Variants in TRIM14 observed in about 807,000 individuals in gnomAD.
TRIM14 encodes tripartite motif containing 14, also known as tripartite motif-containing protein 14.
A neutral mutation model predicts 44.5 loss-of-function variants in TRIM14; 28 were observed. That is an observed-to-expected ratio of 0.63 (90% confidence interval 0.47 to 0.86). The LOEUF (loss-of-function observed/expected upper bound fraction) is 0.86, where lower values mean the gene tolerates loss of function less well. Ranked by LOEUF, TRIM14 falls within the 40% of genes least tolerant of loss-of-function variation. The pLI, the probability that TRIM14 is intolerant of heterozygous loss-of-function variation, is 0.00. For synonymous variants in TRIM14, 299 were observed against 269.2 expected (o/e 1.11, Z -1.08); for missense variants, 607 against 611.1 (o/e 0.99, Z 0.07).
downstream of TRIM14, among the ~76,000 whole-genome samples, chr9:98,080,351 A>G (rs1829798300): frequency 6.6e-6 from 1 of 152,250 alleles, no homozygotes; most frequent in Non-Finnish European, 1.5e-5. Flanking sequence ...TGAATTATAG[A>G]TAACGGATTA....
At chr9:98,060,676 A>G in the TRIM14 span, 1 of 1,086,604 alleles carries the variant, frequency 9.2e-7, no homozygotes. Context: ...GTCTCTAAAT[A>G]AATAAATAAA....
At chr9:98,041,960 G>A in the TRIM14 span, among the ~76,000 whole-genome samples, 1 of 151,766 alleles carries the variant, frequency 6.6e-6, no homozygotes, top group African/African-American at 2.4e-5. Context: ...TAGGATTACA[G>A]GCAAGAGCCA....
intron 1 of TRIM14, 59 bp from the exon 2 acceptor site, chr9:98,110,043 C>A (rs1587973500): frequency 7.5e-7 from 1 of 1,329,914 alleles, no homozygotes; most frequent in East Asian, 2.3e-5. Flanking sequence ...AATAACAGGC[C>A]CCCCACAGGG....
chr9:98,098,051 G>C (rs1826247684), intron 3 of TRIM14, among the ~76,000 whole-genome samples: 1 of 152,178 alleles, frequency 6.6e-6, no homozygotes, highest in Non-Finnish European at 1.5e-5. Context: ...GGCGGGTTTT[G>C]TGTTGACTGG....
At position 98,076,853 on chromosome 9, in the gene TRIM14, T is replaced by C. The variant is rs111760450; in HGVS notation, c.*29-7166A>G. 1,974 of 1,313,196 alleles carry C rather than the reference T, an allele frequency of 1.5e-3. 15 individuals carry two copies. The African/African-American group carries it at 0.025, about 16-fold the overall frequency. The allele number at this position is 1,313,196 out of a possible 1,614,324, so 81.3% of individuals were successfully genotyped here. ...GTTTTTCTACTTGTATGTTATTCCT[T>C]GCCTGTCATAACAACAGTGTTTTTG... On this transcript the variant is annotated intron_variant, in intron 6 of 6. Transcript: ENST00000375098.
At chr9:98,079,437 A>G (rs1829748645), downstream of TRIM14, among the ~76,000 whole-genome samples, 2 of 151,058 alleles carry the variant, frequency 1.3e-5, no homozygotes, top group South Asian at 4.2e-4. Context: ...TCCCCATAAT[A>G]TAAGCTTTCT....
At chr9:98,107,848 A>G (rs912597744) in intron 2 of TRIM14, among the ~76,000 whole-genome samples, 1 of 145,216 alleles carries the variant, frequency 6.9e-6, no homozygotes, top group Admixed American at 6.8e-5. Context: ...TTTTTTTTTT[A>G]GTAGAGATGG....
In TRIM14 at chr9:98,085,424, GGATCA is replaced by G. The variant is rs1217525234; in HGVS notation, c.*2041_*2045del. The G allele has an allele frequency of 6.6e-6, 1 of 152,208 alleles. No individual in the cohort carries two copies. The highest frequency in any genetic ancestry group is 2.4e-5 in the African/African-American group (1 of 41,434). The allele number at this position is 152,208 out of a possible 1,614,324, so 9.4% of individuals were successfully genotyped here. A position where few individuals can be genotyped will look rare whatever the true frequency, so the allele number is the denominator to read the frequency against. On this transcript the variant is annotated 3_prime_UTR_variant, in exon 6 of 6. Transcript: ENST00000341469. Reference sequence around the variant, plus strand: ...TTTCTACCCTCTAGGGCTGATGAAAGGATCAGATGAGTTTAGTCGTAAAGCATTAA... The same window carrying G: ...TTTCTACCCTCTAGGGCTGATGAAAGGATGAGTTTAGTCGTAAAGCATTAA...
chr9:98,071,445 T>G (rs1198798254), intron 6 of TRIM14, among the ~76,000 whole-genome samples: 1 of 152,242 alleles, frequency 6.6e-6, no homozygotes, highest in Non-Finnish European at 1.5e-5. Context: ...GCCTGTTTTC[T>G]TCAGTTGTAA....
Position 98,119,080 on chromosome 9 carries a change from G to C in TRIM14, c.109C>G (p.Arg37Gly), listed in dbSNP as rs911013094. The C allele has an allele frequency of 5.7e-6, 9 of 1,583,982 alleles. No homozygotes were observed. Among genetic ancestry groups the C allele is most frequent in the Non-Finnish European group, 7.7e-6 (9 of 1,175,008 alleles). ...HGDRVAELFC[R>G]RCRRCVCALC... is the part of the protein sequence containing the mutation. ...GCGCACACGCAGCGGCGGCAGCGGC[G>C]ACAGAAGAGCTCAGCCACGCGGTCG... The change falls in exon 1 of 6, where the codon CGC becomes GGC. Residue 37 changes from arginine to glycine, a missense_variant. By Grantham distance (125) the Arg-to-Gly change is moderately radical. Transcript: ENST00000341469.
chr9:98,068,880 A>T (rs1829229757), downstream of TRIM14, among the ~76,000 whole-genome samples: 1 of 152,114 alleles, frequency 6.6e-6, no homozygotes, highest in African/African-American at 2.4e-5. Flanking sequence ...ATACAAAGAA[A>T]ATAGATCATT....
At chr9:98,078,094 G>A (rs1829671387) in intron 6 of TRIM14, 15 of 1,531,294 alleles carry the variant, frequency 9.8e-6, no homozygotes, top group Middle Eastern at 1.7e-4. Context: ...GATGTCTGTG[G>A]AGTTCAGTTG....
rs767478252 is a variant in TRIM14, at chr9:98,109,922, T to C, written c.270A>G (p.Ile90Met). ...AIKKQQHIDN[I>M]TQIEDATEKL... Reference sequence around the variant, plus strand: ...TCTCGGTGGCATCTTCTATCTGGGTTATGTTGTCAATGTGCTGCTGCTTCT... The same window carrying C: ...TCTCGGTGGCATCTTCTATCTGGGTCATGTTGTCAATGTGCTGCTGCTTCT... The change falls in exon 2 of 6, where the codon ATA (isoleucine) becomes ATG (methionine). Residue 90 changes from isoleucine (I) to methionine (M), a missense_variant. Ile to Met is a conservative substitution (Grantham distance 10). Coordinates refer to ENST00000341469, the MANE Select transcript of TRIM14 (RefSeq NM_014788.4). The C allele has an allele frequency of 2.5e-6, 4 of 1,613,718 alleles. No individual in the cohort carries two copies. Among genetic ancestry groups the C allele is most frequent in the Non-Finnish European group, 3.4e-6 (4 of 1,179,894 alleles).
the TRIM14 span, among the ~76,000 whole-genome samples, chr9:98,052,290 C>T: frequency 6.6e-6 from 1 of 151,056 alleles, no homozygotes; most frequent in Non-Finnish European, 1.5e-5. Context: ...CTCATGTGGA[C>T]CTCAAGAATG....
the TRIM14 span, among the ~76,000 whole-genome samples, chr9:98,043,604 A>G: frequency 1.1e-4 from 16 of 150,234 alleles, no homozygotes; most frequent in East Asian, 2.3e-3. Context: ...ACATAAAATT[A>G]TAGAAATCTA....
chr9:98,046,637 C>T, the TRIM14 span, among the ~76,000 whole-genome samples: 1 of 152,052 alleles, frequency 6.6e-6, no homozygotes, highest in Non-Finnish European at 1.5e-5. Flanking sequence ...GAGGGGGTTT[C>T]ACCATATTGG....
Position 98,078,270 on chromosome 9 carries a change from A to G in TRIM14, c.*29-8583T>C, listed in dbSNP as rs1483500799. On this transcript the variant is annotated intron_variant, in intron 6 of 6. Coordinates refer to the TRIM14 transcript ENST00000375098. Reference sequence around the variant, plus strand: ...AGTTTATCAGATCGTGAAGCCCCTCAACCCCAACTTCTGCTTCTTGCAGTG... The same window carrying G: ...AGTTTATCAGATCGTGAAGCCCCTCGACCCCAACTTCTGCTTCTTGCAGTG... 1.9e-6 allele frequency: 3 copies of G among 1,614,050 alleles called. No homozygotes were observed. In the East Asian group the frequency reaches 6.7e-5, roughly 36 times the overall value.
At chr9:98,094,678 A>G (rs1826116551) in intron 4 of TRIM14, among the ~76,000 whole-genome samples, 189 bp downstream of exon 4, 1 of 152,206 alleles carries the variant, frequency 6.6e-6, no homozygotes, top group Non-Finnish European at 1.5e-5. Flanking sequence ...GGCAGGTCTC[A>G]GTCTCAGGAA....
At chr9:98,055,877 A>G in the TRIM14 span, among the ~76,000 whole-genome samples, 4 of 152,024 alleles carry the variant, frequency 2.6e-5, no homozygotes, top group African/African-American at 9.7e-5. Context: ...AGCTGGGATT[A>G]CAGGCACGCA....
Sources: allele counts gnomAD v4.1 joint callset (sites outside exome capture counted in the v4.1 genomes callset), GRCh38; gene constraint gnomAD v4.1.1; transcripts MANE v1.5; gene names NCBI Gene and HGNC (gene_info 2026-07-23, HGNC 2026-07-21).